NWD1: variants seen among roughly 807,000 people sequenced by gnomAD.
NWD1 encodes the protein NACHT and WD repeat domain containing 1.
In NWD1, 129 loss-of-function variants were observed where a neutral mutation model predicts 135.1. The ratio of observed to expected loss-of-function variants is 0.96; its 90% CI spans 0.83 to 1.11. The LOEUF is 1.11. NWD1 is among the 50% of genes least tolerant of loss of function. NWD1 has a pLI of 0.00. For synonymous variants in NWD1, 773 were observed against 786.0 expected (o/e 0.98, Z 0.28); for missense variants, 1,740 against 1,851.3 (o/e 0.94, Z 1.10).
chr19:16,773,082 G>C (rs377667652), intron 10 of NWD1, 44 bp from the exon 11 acceptor site: 1 of 1,560,100 alleles, frequency 6.4e-7, no homozygotes. Flanking sequence ...GGAGGGTAGA[G>C]GGGGCTCAAT....
At chr19:16,726,799 G>C (rs1315593009) in intron 2 of NWD1, among the ~76,000 whole-genome samples, 1 of 152,136 alleles carries the variant, frequency 6.6e-6, no homozygotes, top group Non-Finnish European at 1.5e-5. Flanking sequence ...ATTCTTTGTG[G>C]GGGCTTCCTG....
intron 12 of NWD1, among the ~76,000 whole-genome samples, chr19:16,783,945 A>T (rs557116936): frequency 6.6e-6 from 1 of 152,116 alleles, no homozygotes; most frequent in East Asian, 1.9e-4. Context: ...GGCACAGTGG[A>T]TCACGTCTGT....
chr19:16,770,480 G>A (rs1180811479), intron 10 of NWD1, among the ~76,000 whole-genome samples: 4 of 152,084 alleles, frequency 2.6e-5, no homozygotes, highest in Non-Finnish European at 5.9e-5. Context: ...CCCAGTTTCA[G>A]GTATGTCTTT....
At chr19:16,779,287 C>G in intron 11 of NWD1, 56 bp from the exon 12 acceptor site, 1 of 1,608,994 alleles carries the variant, frequency 6.2e-7, no homozygotes, top group Non-Finnish European at 8.5e-7. Flanking sequence ...GACCCCATAG[C>G]TGAATACTTG....
chr19:16,809,127 T>C (rs1302495729), intron 18 of NWD1, among the ~76,000 whole-genome samples: 1 of 151,858 alleles, frequency 6.6e-6, no homozygotes, highest in Non-Finnish European at 1.5e-5. Context: ...TCTTGCTCTG[T>C]CACCCAGGCT....
rs780939014 is a variant in NWD1 at position 16,749,823 on chromosome 19, GC to G, written c.1183del (p.Leu395TrpfsTer98). ...CTGAAGAGCATCTGCTTCCAGGTGT[GC>G]CTGGCCTATGGGCTGCCCTTGCCCC... ...GLLKSICFQV[C>X]LAYGLPLPPA... On this transcript the variant is annotated frameshift_variant, in exon 6 of 19. Coordinates refer to ENST00000524140, the MANE Select transcript of NWD1 (RefSeq NM_001007525.5). LOFTEE classifies it high-confidence loss of function. 1.9e-6 allele frequency: 3 copies of G among 1,609,184 alleles called. No individual in the cohort carries two copies. The African/African-American group carries it at 4.0e-5, about 21-fold the overall frequency.
intron 6 of NWD1, among the ~76,000 whole-genome samples, chr19:16,752,215 G>GT (rs541574593): frequency 0.044 from 6,652 of 150,392 alleles, 484 homozygotes; most frequent in African/African-American, 0.16. Context: ...CAGTTTTAGG[G>GT]TTGTTTTTTT....
chr19:16,725,074 T>C (rs1967275455), intron 2 of NWD1, among the ~76,000 whole-genome samples: 1 of 151,168 alleles, frequency 6.6e-6, no homozygotes, highest in Non-Finnish European at 1.5e-5. Flanking sequence ...TGCAGTGGTA[T>C]GATCTTGGCT....
At chr19:16,743,433 C>T (rs1414387077) in intron 4 of NWD1, among the ~76,000 whole-genome samples, 1 of 151,872 alleles carries the variant, frequency 6.6e-6, no homozygotes, top group Admixed American at 6.6e-5. Flanking sequence ...GTCTCTAACT[C>T]CTGGGCTCAA....
chr19:16,772,587 A>G (rs1185495552), intron 10 of NWD1, among the ~76,000 whole-genome samples: 1 of 152,194 alleles, frequency 6.6e-6, no homozygotes, highest in East Asian at 1.9e-4. Flanking sequence ...TGCAGGTTGC[A>G]GTGAGCCAAG....
rs1263400947 is a variant in NWD1 at position 16,720,289 on chromosome 19, TGTTG to T, written c.-106_-105+2del. ...CAATAACATGTAGAAACATATCAGC[TGTTG>T]GTGAGTACCATGCAGAAAATTAAAA... is the stretch of plus-strand genomic sequence containing the variant. On this transcript the variant is annotated splice_region_variant and 5_prime_UTR_variant, in exon 1 of 19. It removes the in-frame stop codon of an upstream open reading frame in the 5' UTR. Transcript: ENST00000524140. The T allele has an allele frequency of 6.6e-6, 1 of 152,212 alleles. No individual in the cohort carries two copies. Among genetic ancestry groups the T allele is most frequent in the Admixed American group, 6.6e-5 (1 of 15,258 alleles). The allele number at this position is 152,212 out of a possible 1,614,324, so 9.4% of individuals were successfully genotyped here.
intron 16 of NWD1, among the ~76,000 whole-genome samples, chr19:16,798,321 A>T (rs575497528): frequency 3.5e-4 from 54 of 152,220 alleles, no homozygotes; most frequent in Admixed American, 3.3e-4. Flanking sequence ...AAAGAAATTG[A>T]TAAATAGACT....
rs765946181 is a variant in NWD1 at position 16,773,153 on chromosome 19, T to C, written c.2438T>C (p.Leu813Pro). 10 of 1,613,842 alleles carry C rather than the reference T, an allele frequency of 6.2e-6. No individual in the cohort carries two copies. The highest frequency in any genetic ancestry group is 3.3e-5 in the Admixed American group (2 of 60,002). ...AGGAGCCTCCTGTACACAGAACTGC[T>C]GGCCAGACTCCATTTCTTCGCCACC... ...MERSLLYTEL[L>P]ARLHFFATSH... Residue 813 changes from leucine to proline, a missense_variant, in exon 11 of 19, where the codon CTG becomes CCG. Transcript: ENST00000524140.
At chr19:16,772,857 G>C (rs1354956146) in intron 10 of NWD1, among the ~76,000 whole-genome samples, 2 of 151,692 alleles carry the variant, frequency 1.3e-5, no homozygotes, top group Non-Finnish European at 2.9e-5. Context: ...AAGGGAGAGA[G>C]GGAGAGAAGA....
intron 3 of NWD1, among the ~76,000 whole-genome samples, chr19:16,736,431 C>G (rs142368948): frequency 0.01 from 1,573 of 152,118 alleles, 13 homozygotes; most frequent in Middle Eastern, 0.02. Flanking sequence ...GCCCTTCCCT[C>G]TAGTCTGGGT....
intron 4 of NWD1, among the ~76,000 whole-genome samples, chr19:16,738,598 G>A (rs1283082698): frequency 5.4e-5 from 8 of 147,872 alleles, no homozygotes; most frequent in South Asian, 2.1e-4. Flanking sequence ...GAAGGTGAGG[G>A]CCAGAGAGAT....
intron 11 of NWD1, among the ~76,000 whole-genome samples, chr19:16,775,694 GT>G (rs1316683331): frequency 6.6e-6 from 1 of 152,162 alleles, no homozygotes; most frequent in African/African-American, 2.4e-5. Flanking sequence ...TTTATATGGA[GT>G]TTTGTTCTTG....
At chr19:16,766,984 T>G (rs962308307) in intron 10 of NWD1, among the ~76,000 whole-genome samples, 1 of 152,108 alleles carries the variant, frequency 6.6e-6, no homozygotes, top group Non-Finnish European at 1.5e-5. Context: ...TTAATCTTCC[T>G]AAAGTGAAAC....
At chr19:16,726,911 G>A (rs751481943) in intron 2 of NWD1, among the ~76,000 whole-genome samples, 3 of 152,110 alleles carry the variant, frequency 2.0e-5, no homozygotes, top group Non-Finnish European at 4.4e-5. Flanking sequence ...CATTGCAAGT[G>A]TCCCCTGGGG....
Sources: gnomAD v4.1 joint callset for allele counts (sites outside exome capture counted in the v4.1 genomes callset) on GRCh38, gnomAD v4.1.1 for gene constraint, MANE v1.5 for transcripts, NCBI Gene and HGNC (gene_info 2026-07-23, HGNC 2026-07-21) for gene names.